The following TCIRG1 variants were observed in gnomAD, a reference collection of about 807,000 sequenced individuals.
TCIRG1 encodes the protein T cell immune regulator 1, ATPase H+ transporting V0 subunit a3.
TCIRG1 carries 86 observed loss-of-function variants against 95.5 expected under a neutral mutation model. The ratio of observed to expected loss-of-function variants is 0.90; its 90% confidence interval spans 0.76 to 1.08. The LOEUF is 1.08. Among genes scored for constraint, TCIRG1 ranks in the 50% least tolerant of loss-of-function variants. TCIRG1 has a pLI of 0.00. For missense variants in TCIRG1, 1,069 were observed against 1,140.2 expected, an observed-to-expected ratio of 0.94 and a Z score of 0.90; for synonymous variants, 499 against 501.3, an observed-to-expected ratio of 1.00 and a Z score of 0.06.
chr11:68,049,207 C>T lies in TCIRG1; in HGVS notation c.1800C>T (p.Ala600=), dbSNP rs145144233. The change falls in exon 15 of 20, where the codon GCC becomes GCT. Residue 600 remains alanine (A), a synonymous_variant. Transcript: ENST00000265686. The part of the protein sequence containing the change: ...YKWLCVWAAR[A]ASAPSILIHF... ...GGCTGTGTGTCTGGGCTGCCAGGGC[C>T]GCCTCGGCCCCCAGCATCCTCATCC... 3,627 of 1,613,854 alleles carry T rather than the reference C, an allele frequency of 2.2e-3. 5 individuals are homozygous for T. The highest frequency in any genetic ancestry group is 2.8e-3 in the Non-Finnish European group (3,314 of 1,180,010).
At position 68,050,518 on chromosome 11, in the gene TCIRG1, G is replaced by A. The variant is rs766485756; in HGVS notation, c.2268G>A (p.Met756Ile). 3 of 1,612,840 alleles carry A rather than the reference G, an allele frequency of 1.9e-6. No individual in the cohort carries two copies. Among genetic ancestry groups the A allele is most frequent in the Non-Finnish European group, 2.5e-6 (3 of 1,180,002 alleles). The change falls in exon 19 of 20, where the codon ATG (methionine) becomes ATA (isoleucine). Residue 756 changes from methionine to isoleucine, a missense_variant. By Grantham distance (10) the Met-to-Ile change is conservative. Coordinates refer to ENST00000265686, the MANE Select transcript of TCIRG1 (RefSeq NM_006019.4). ...QLSEVLWAMV[M>I]RIGLGLGREV... Reference sequence around the variant, plus strand: ...CCGAGGTTCTGTGGGCCATGGTGATGCGCATAGGCCTGGGCCTGGGCCGGG... The same window carrying A: ...CCGAGGTTCTGTGGGCCATGGTGATACGCATAGGCCTGGGCCTGGGCCGGG...
chr11:68,040,997 G>A (rs1479421045), intron 1 of TCIRG1, among the ~76,000 whole-genome samples: 3 of 152,232 alleles, frequency 2.0e-5, no homozygotes, highest in African/African-American at 4.8e-5. Flanking sequence ...GACGCTGGAG[G>A]TAGGGGCGGG....
chr11:68,042,427 G>A (rs902557195), intron 3 of TCIRG1, among the ~76,000 whole-genome samples: 3 of 152,222 alleles, frequency 2.0e-5, no homozygotes, highest in Admixed American at 1.3e-4. Context: ...GCCCTCTTCT[G>A]AGTGGTGGCC....
chr11:68,050,267 G>A lies in TCIRG1; in HGVS notation c.2236+13G>A, dbSNP rs1448388911. On this transcript the variant is annotated intron_variant, in intron 18 of 19. Coordinates refer to ENST00000265686, the MANE Select transcript of TCIRG1 (RefSeq NM_006019.4). ...CTGGCCCACGCCCGTGAGTGACCTG[G>A]CCACCGACGGCTGGCCCCAGCTCCT... is the stretch of plus-strand genomic sequence containing the variant. 17 of 1,610,286 alleles carry A rather than the reference G, an allele frequency of 1.1e-5. No individual in the cohort carries two copies. The highest frequency in any genetic ancestry group is 2.2e-5 in the East Asian group (1 of 44,880).
intron 3 of TCIRG1, 60 bp from the exon 4 acceptor site, chr11:68,042,583 G>A (rs561975211): frequency 1.5e-6 from 2 of 1,375,082 alleles, no homozygotes; most frequent in Non-Finnish European, 2.0e-6. Context: ...GGCAGCAGGT[G>A]GGGCCCTCAA....
intron 2 of TCIRG1, among the ~76,000 whole-genome samples, 167 bp downstream of exon 2, chr11:68,041,555 T>G (rs1157332668): frequency 6.6e-6 from 1 of 152,056 alleles, no homozygotes; most frequent in Non-Finnish European, 1.5e-5. Context: ...CTGAGGCCCC[T>G]GAGCTGGCTC....
At chr11:68,044,688 A>G (rs1855381156) in intron 9 of TCIRG1, 1 of 591,638 alleles carries the variant, frequency 1.7e-6, no homozygotes, top group African/African-American at 1.9e-5. Context: ...CGCGCACAGC[A>G]GGTGCTTGCG....
intron 8 of TCIRG1, 26 bp downstream of exon 8, chr11:68,043,933 CGGGTGTAGGAGGT>C (rs755647342): frequency 6.6e-7 from 1 of 1,510,916 alleles, no homozygotes; most frequent in South Asian, 1.2e-5. Context: ...CTTCCGGAGG[CGGGTGTAGGAGGT>C]GGGTGCCCCC....
At position 68,050,890 on chromosome 11, in the gene TCIRG1, C is replaced by G. The variant is rs1413156768; in HGVS notation, c.*71C>G. On this transcript the variant is annotated 3_prime_UTR_variant, in exon 20 of 20. Coordinates refer to ENST00000265686, the MANE Select transcript of TCIRG1 (RefSeq NM_006019.4). The stretch of plus-strand genomic sequence containing the variant: ...AGGAGAGGAATAAAGACGGTCCGCC[C>G]TGGCAGTGATGTCTCGTCTCTCTTC... The G allele has an allele frequency of 1.6e-5, 25 of 1,533,038 alleles. No homozygotes were observed. The East Asian group carries it at 5.2e-4, about 32-fold the overall frequency. 95.0% of individuals were successfully genotyped at this position (1,533,038 alleles called of 1,614,324 possible). A position where few individuals can be genotyped will look rare whatever the true frequency, so the allele number is the denominator to read the frequency against.
At chr11:68,053,291 T>G (rs1855868964), downstream of TCIRG1, 1 of 152,214 alleles carries the variant, frequency 6.6e-6, no homozygotes, top group African/African-American at 2.4e-5. Context: ...GCACACTCCA[T>G]CAGGAGGAAG....
chr11:68,046,772 A>G (rs1481425151), intron 10 of TCIRG1, among the ~76,000 whole-genome samples: 1 of 152,056 alleles, frequency 6.6e-6, no homozygotes, highest in Non-Finnish European at 1.5e-5. Context: ...GGAACTTGCC[A>G]TGTGCCAGCT....
At chr11:68,046,701 G>C (rs1855503440) in intron 10 of TCIRG1, among the ~76,000 whole-genome samples, 1 of 152,160 alleles carries the variant, frequency 6.6e-6, no homozygotes, top group African/African-American at 2.4e-5. Context: ...ATGAGGACTT[G>C]TTCCCATTTT....
Position 68,050,682 on chromosome 11 carries a change from G to A in TCIRG1, c.2414+18G>A, listed in dbSNP as rs755751970. 3.7e-6 allele frequency: 6 copies of A among 1,613,416 alleles called. No homozygotes were observed. The South Asian group carries it at 5.5e-5, about 15-fold the overall frequency. ...CTGCACTGGTGAGCGACCACCCACT[G>A]GCCTGGGCTGCTCAAGGCGTGAGTT... On this transcript the variant is annotated intron_variant, in intron 19 of 19. Coordinates refer to ENST00000265686, the MANE Select transcript of TCIRG1 (RefSeq NM_006019.4).
chr11:68,048,927 A>G lies in TCIRG1; in HGVS notation c.1603A>G (p.Met535Val). Residue 535 changes from methionine (M) to valine (V), a missense_variant, in exon 14 of 20, where the codon ATG becomes GTG. By Grantham distance (21) the Met-to-Val change is conservative (BLOSUM62 1). Transcript: ENST00000265686. ...CTTGAGCTTCCTCAACTCCTTCAAG[A>G]TGAAGATGTCCGTCATCCTGGGCGT... ...NHLSFLNSFK[M>V]KMSVILGVVH... 1 of 1,613,542 alleles carries G rather than the reference A, an allele frequency of 6.2e-7. No homozygotes were observed.
chr11:68,039,158 T>C (rs1230121355), intron 1 of TCIRG1, 39 bp downstream of exon 1: 1 of 152,264 alleles, frequency 6.6e-6, no homozygotes, highest in African/African-American at 2.4e-5. Context: ...CCCCAGAATT[T>C]CCTGCCCACC....
At chr11:68,044,670 T>C in intron 9 of TCIRG1, 1 of 588,794 alleles carries the variant, frequency 1.7e-6, no homozygotes, top group South Asian at 2.0e-5. Flanking sequence ...CCTCCGGGGG[T>C]CACCCGCCGC....
downstream of TCIRG1, among the ~76,000 whole-genome samples, chr11:68,051,611 C>CTG (rs1369140656): frequency 6.6e-6 from 1 of 152,232 alleles, no homozygotes; most frequent in African/African-American, 2.4e-5. Context: ...TGGGAGGAGC[C>CTG]TGTCCATTGG....
chr11:68,043,538 G>T (rs573584065), intron 6 of TCIRG1, 33 bp from the exon 7 acceptor site: 1 of 1,592,296 alleles, frequency 6.3e-7, no homozygotes. Flanking sequence ...TGGGCAGAGC[G>T]GGACCCCAGA....
chr11:68,053,738 A>G, downstream of TCIRG1: 1 of 419,592 alleles, frequency 2.4e-6, no homozygotes, highest in African/African-American at 2.0e-5. Context: ...AAAAGGATTC[A>G]GAGATGTTGC....
Sources: gnomAD v4.1 joint callset for allele counts (sites outside exome capture counted in the v4.1 genomes callset) on GRCh38, gnomAD v4.1.1 for gene constraint, MANE v1.5 for transcripts, NCBI Gene and HGNC (gene_info 2026-07-23, HGNC 2026-07-21) for gene names.